The following WWOX variants were observed in gnomAD, a reference collection of about 807,000 sequenced individuals.
WWOX encodes the protein WW domain containing oxidoreductase, also known as WW domain-containing oxidoreductase.
A neutral mutation model predicts 46.2 loss-of-function variants in WWOX; 69 were observed. That is an observed-to-expected ratio of 1.49 (90% CI 1.23 to 1.82). WWOX has a LOEUF of 1.82. Among genes scored for constraint, WWOX ranks in the 40% most tolerant of loss-of-function variants. The pLI is 0.00. For missense variants in WWOX, 919 were observed against 542.6 expected (o/e 1.69, Z -6.89); for synonymous variants, 359 against 202.6 (o/e 1.77, Z -6.56).
chr16:79,089,961 G>C (rs1426372071), intron 8 of WWOX: 1 of 137,026 alleles, frequency 7.3e-6, no homozygotes, highest in Non-Finnish European at 1.6e-5. Context: ...GTGAACACTG[G>C]AAAAAAAAAA....
chr16:78,829,648 G>C (rs1367385834), intron 8 of WWOX, among the ~76,000 whole-genome samples: 1 of 152,090 alleles, frequency 6.6e-6, no homozygotes, highest in Non-Finnish European at 1.5e-5. Context: ...GCCTGTACTA[G>C]GTTCTGTGCC....
intron 8 of WWOX, among the ~76,000 whole-genome samples, chr16:79,051,734 C>T (rs2048171423): frequency 6.6e-6 from 1 of 152,150 alleles, no homozygotes; most frequent in Non-Finnish European, 1.5e-5. Context: ...GAATTTCCTC[C>T]CCATCTAATT....
At chr16:78,406,303 AATATATATATAT>A (rs532594425) in intron 6 of WWOX, among the ~76,000 whole-genome samples, 1,731 of 57,768 alleles carry the variant, frequency 0.03, 19 homozygotes, top group East Asian at 0.1. Flanking sequence ...TATAAATATA[AATATATATATAT>A]ATATATATAT....
intron 8 of WWOX, among the ~76,000 whole-genome samples, chr16:78,526,930 C>G (rs561558170): frequency 6.6e-6 from 1 of 152,092 alleles, no homozygotes; most frequent in Non-Finnish European, 1.5e-5. Flanking sequence ...TTTGGGAGGC[C>G]GAGGCAGGTG....
intron 8 of WWOX, among the ~76,000 whole-genome samples, chr16:78,735,385 C>CCACAGACAAACA (rs2049063854): frequency 9.6e-6 from 1 of 103,914 alleles, no homozygotes; most frequent in African/African-American, 7.0e-5. Flanking sequence ...GTCATACACA[C>CCACAGACAAACA]CACACACAAA....
intron 8 of WWOX, among the ~76,000 whole-genome samples, chr16:79,151,886 T>C (rs2050286540): frequency 6.6e-6 from 1 of 152,210 alleles, no homozygotes; most frequent in South Asian, 2.1e-4. Context: ...GACTTGCCTT[T>C]GTTTATCTTT....
At chr16:78,562,838 C>T (rs148233484) in intron 8 of WWOX, among the ~76,000 whole-genome samples, 21 of 152,272 alleles carry the variant, frequency 1.4e-4, no homozygotes, top group East Asian at 5.8e-4. Context: ...CTCCCTGGTA[C>T]GGAGTCATCA....
intron 5 of WWOX, among the ~76,000 whole-genome samples, chr16:78,351,854 A>G (rs11647872): frequency 0.4 from 61,161 of 152,066 alleles, 13,159 homozygotes; most frequent in Non-Finnish European, 0.49. Flanking sequence ...ACGTAGTTTC[A>G]CCATGTTGGC....
intron 8 of WWOX, among the ~76,000 whole-genome samples, chr16:79,142,460 C>T (rs189796107): frequency 4.5e-4 from 69 of 152,248 alleles, no homozygotes; most frequent in African/African-American, 1.5e-3. Context: ...GCACATGCTA[C>T]ACATCAGGGC....
chr16:78,427,534 G>A (rs562599836), intron 7 of WWOX, among the ~76,000 whole-genome samples: 20 of 150,464 alleles, frequency 1.3e-4, no homozygotes, highest in Non-Finnish European at 1.8e-4. Context: ...ACACATACAC[G>A]CACGCACGCA....
At chr16:79,183,288 C>A (rs190729273) in intron 8 of WWOX, among the ~76,000 whole-genome samples, 114 of 152,296 alleles carry the variant, frequency 7.5e-4, no homozygotes, top group Middle Eastern at 6.8e-3. Context: ...GTGAGGCTTG[C>A]ATAGCACCTT....
intron 8 of WWOX, among the ~76,000 whole-genome samples, chr16:79,150,891 A>G (rs1248108968): frequency 1.3e-5 from 2 of 152,208 alleles, no homozygotes; most frequent in African/African-American, 4.8e-5. Context: ...TCCGCAGTCC[A>G]GATTCAACCT....
intron 8 of WWOX, among the ~76,000 whole-genome samples, chr16:78,975,733 A>G (rs1056181384): frequency 3.3e-5 from 5 of 152,144 alleles, no homozygotes; most frequent in Non-Finnish European, 7.3e-5. Context: ...GGCAACACAG[A>G]GCCAATTGAG....
rs192133016 is a variant in WWOX, at chr16:78,393,590, C to T, written c.605+6642C>T. 1.9e-3 allele frequency among the ~76,000 whole-genome samples: 285 copies of T among 152,232 alleles called. 1 individual carries two copies. The highest frequency in any genetic ancestry group is 6.8e-3 in the Middle Eastern group (2 of 294). On this transcript the variant is annotated intron_variant, in intron 6 of 8. Coordinates refer to ENST00000566780, the MANE Select transcript of WWOX (RefSeq NM_016373.4). ...ATCCTGGAACTTAAAAAGTTGGTGA[C>T]GACACCTGAGATATTTATTACTTAG...
At chr16:79,120,756 C>T (rs902357252) in intron 8 of WWOX, among the ~76,000 whole-genome samples, 1 of 152,044 alleles carries the variant, frequency 6.6e-6, no homozygotes, top group African/African-American at 2.4e-5. Context: ...AAATTTCCCT[C>T]TGCGTTTATT....
intron 8 of WWOX, among the ~76,000 whole-genome samples, chr16:79,074,832 A>C (rs1390362866): frequency 6.6e-6 from 1 of 152,140 alleles, no homozygotes; most frequent in Non-Finnish European, 1.5e-5. Context: ...CAGAAAATGG[A>C]GATAAATCTC....
intron 8 of WWOX, among the ~76,000 whole-genome samples, chr16:78,560,934 A>C (rs1417163233): frequency 3.3e-5 from 5 of 152,158 alleles, no homozygotes; most frequent in Non-Finnish European, 7.3e-5. Flanking sequence ...TTGTTTATTA[A>C]CTACAATTCT....
intron 8 of WWOX, among the ~76,000 whole-genome samples, chr16:78,621,672 T>A (rs950694255): frequency 1.5e-5 from 2 of 134,300 alleles, no homozygotes; most frequent in Non-Finnish European, 3.1e-5. Flanking sequence ...TGGCACCATC[T>A]CGGCTCACCA....
At chr16:78,696,138 A>T (rs1435876273) in intron 8 of WWOX, among the ~76,000 whole-genome samples, 1 of 152,178 alleles carries the variant, frequency 6.6e-6, no homozygotes, top group Non-Finnish European at 1.5e-5. Flanking sequence ...AGGGGTGGGA[A>T]TCAGAAATAC....
Sources: allele counts gnomAD v4.1 joint callset (sites outside exome capture counted in the v4.1 genomes callset), GRCh38; gene constraint gnomAD v4.1.1; transcripts MANE v1.5; gene names NCBI Gene and HGNC (gene_info 2026-07-23, HGNC 2026-07-21).